Variants in RARB observed in about 807,000 individuals in gnomAD.
The protein encoded by RARB is HBV-activated protein.
A neutral mutation model predicts 51.9 loss-of-function variants in RARB; 17 were observed. That is an observed-to-expected ratio of 0.33 (90% CI 0.22 to 0.49). The LOEUF (loss-of-function observed/expected upper bound fraction) is 0.49. Ranked by LOEUF, RARB falls within the 20% of genes least tolerant of loss-of-function variation. The pLI is 0.99. For missense variants in RARB, 369 were observed against 550.8 expected, an observed-to-expected ratio of 0.67 and a Z score of 3.30; for synonymous variants, 215 against 195.4, an observed-to-expected ratio of 1.10 and a Z score of -0.84.
At chr3:24,975,629 T>C (rs1696493996) in intron 2 of RARB, among the ~76,000 whole-genome samples, 2 of 152,174 alleles carry the variant, frequency 1.3e-5, no homozygotes, top group African/African-American at 2.4e-5. Context: ...TCCAGCAGTT[T>C]TATCTGACTC....
At chr3:25,382,093 AG>A (rs1706645058) in intron 5 of RARB, among the ~76,000 whole-genome samples, 2 of 152,146 alleles carry the variant, frequency 1.3e-5, no homozygotes, top group African/African-American at 2.4e-5. Flanking sequence ...TTTTGGCCCC[AG>A]AAGGGAATTG....
intron 1 of RARB, among the ~76,000 whole-genome samples, chr3:25,429,703 ACACAGTG>A (rs994023250): frequency 6.6e-6 from 1 of 152,220 alleles, no homozygotes; most frequent in Non-Finnish European, 1.5e-5. Context: ...TCTGATGCTG[ACACAGTG>A]CCGAGGTACG....
intron 2 of RARB, among the ~76,000 whole-genome samples, chr3:24,981,321 C>G (rs1696666787): frequency 6.6e-6 from 1 of 152,284 alleles, no homozygotes; most frequent in African/African-American, 2.4e-5. Context: ...GGCAGGGGGG[C>G]TTAAGTCTGT....
chr3:25,208,607 C>T (rs1240538998), intron 5 of RARB, among the ~76,000 whole-genome samples: 1 of 151,604 alleles, frequency 6.6e-6, no homozygotes, highest in Non-Finnish European at 1.5e-5. Flanking sequence ...TTTGTCTATT[C>T]TTTTTTTTTC....
At chr3:24,968,297 T>G (rs1696321446) in intron 2 of RARB, among the ~76,000 whole-genome samples, 1 of 152,138 alleles carries the variant, frequency 6.6e-6, no homozygotes, top group Non-Finnish European at 1.5e-5. Context: ...CCTGAGGCAA[T>G]GTTCCCTGTA....
intron 3 of RARB, among the ~76,000 whole-genome samples, chr3:25,517,899 C>T (rs1271111117): frequency 6.6e-6 from 1 of 151,998 alleles, no homozygotes; most frequent in Non-Finnish European, 1.5e-5. Context: ...CACAAAAGGC[C>T]CCATATTCTA....
chr3:25,389,366 T>A (rs1001213727), intron 5 of RARB, among the ~76,000 whole-genome samples: 3 of 152,182 alleles, frequency 2.0e-5, no homozygotes, highest in South Asian at 2.1e-4. Flanking sequence ...GTTTCTTCCC[T>A]CATTTTTCCA....
At chr3:25,329,177 G>C (rs1009184475) in intron 5 of RARB, among the ~76,000 whole-genome samples, 1 of 152,188 alleles carries the variant, frequency 6.6e-6, no homozygotes, top group African/African-American at 2.4e-5. Context: ...AGAGAGTAGT[G>C]GTTCTCCCAG....
chr3:25,311,402 C>G (rs189020024), intron 5 of RARB, among the ~76,000 whole-genome samples: 52 of 152,358 alleles, frequency 3.4e-4, no homozygotes, highest in African/African-American at 1.2e-3. Flanking sequence ...TGGGTCGGTA[C>G]TAAAGGATAT....
chr3:25,257,779 A>G (rs1260530305), intron 5 of RARB, among the ~76,000 whole-genome samples: 5 of 151,900 alleles, frequency 3.3e-5, no homozygotes, highest in East Asian at 1.9e-4. Flanking sequence ...TATCTCTTCC[A>G]GGCTCCTTAT....
chr3:25,329,008 G>A (rs1253948324), intron 5 of RARB, among the ~76,000 whole-genome samples: 1 of 152,168 alleles, frequency 6.6e-6, no homozygotes, highest in African/African-American at 2.4e-5. Flanking sequence ...GCTTGAGTAG[G>A]TAAACAAAGC....
chr3:25,135,465 G>A (rs535633090), intron 4 of RARB, among the ~76,000 whole-genome samples: 40 of 152,016 alleles, frequency 2.6e-4, no homozygotes, highest in African/African-American at 7.9e-4. Flanking sequence ...CCAGAGATGA[G>A]TAAGAAAAGC....
chr3:25,234,869 T>G (rs1185477764), intron 5 of RARB, among the ~76,000 whole-genome samples: 2 of 152,104 alleles, frequency 1.3e-5, no homozygotes, highest in Non-Finnish European at 2.9e-5. Flanking sequence ...GGCAGGTTTT[T>G]CTCTTGGGGT....
At chr3:25,347,522 CTCTA>C (rs1423772736) in intron 5 of RARB, among the ~76,000 whole-genome samples, 1 of 152,140 alleles carries the variant, frequency 6.6e-6, no homozygotes, top group African/African-American at 2.4e-5. Flanking sequence ...ATGAAGTTTT[CTCTA>C]TCTTATTATT....
intron 5 of RARB, among the ~76,000 whole-genome samples, chr3:25,398,186 C>A (rs1352088683): frequency 2.6e-5 from 4 of 152,050 alleles, no homozygotes; most frequent in African/African-American, 9.7e-5. Context: ...GAGATGTAAA[C>A]AGACACTTTC....
chr3:25,002,815 T>G (rs973249706), intron 2 of RARB, among the ~76,000 whole-genome samples: 1 of 152,042 alleles, frequency 6.6e-6, no homozygotes, highest in South Asian at 2.1e-4. Context: ...TTGCTTTGTT[T>G]CATCATCTAT....
At chr3:25,132,379 C>T (rs962243760) in intron 4 of RARB, among the ~76,000 whole-genome samples, 2 of 151,778 alleles carry the variant, frequency 1.3e-5, no homozygotes, top group Non-Finnish European at 2.9e-5. Flanking sequence ...CTTAGGAAAC[C>T]CAGCAGGAGA....
At chr3:25,407,968 C>T (rs867235829) in intron 5 of RARB, among the ~76,000 whole-genome samples, 9 of 151,998 alleles carry the variant, frequency 5.9e-5, no homozygotes, top group South Asian at 2.1e-4. Flanking sequence ...TTGCCCACAG[C>T]GGTAACGTCT....
intron 1 of RARB, among the ~76,000 whole-genome samples, chr3:24,843,910 C>G (rs1428676861): frequency 2.0e-5 from 3 of 151,320 alleles, no homozygotes; most frequent in Admixed American, 6.6e-5. Context: ...TACACACACA[C>G]ACACACACAC....
Sources: gnomAD v4.1 joint callset for allele counts (sites outside exome capture counted in the v4.1 genomes callset) on GRCh38, gnomAD v4.1.1 for gene constraint, MANE v1.5 for transcripts, NCBI Gene and HGNC (gene_info 2026-07-23, HGNC 2026-07-21) for gene names.